The following DNAH7 variants were observed in gnomAD, a reference collection of about 807,000 sequenced individuals.
DNAH7 encodes axonemal beta dynein heavy chain 7.
A neutral mutation model predicts 444.6 loss-of-function variants in DNAH7; 397 were observed. The observed-to-expected ratio is 0.89, with a 90% CI of 0.82 to 0.97. The LOEUF is 0.97. Among genes scored for constraint, DNAH7 ranks in the 50% least tolerant of loss-of-function variants. The probability of loss-of-function intolerance (pLI) is 0.00; values close to 1 mark genes in which losing one functional copy is unlikely to be tolerated. For synonymous variants in DNAH7, 1,636 were observed against 1,624.4 expected (o/e 1.01, Z -0.17); for missense variants, 4,902 against 4,800.8 (o/e 1.02, Z -0.62).
Position 195,794,511 on chromosome 2 carries a change from C to G in DNAH7, c.10543G>C (p.Asp3515His), listed in dbSNP as rs1452112256. The G allele has an allele frequency of 6.2e-7, 1 of 1,614,134 alleles. No homozygotes were observed. The highest frequency in any genetic ancestry group is 1.1e-5 in the South Asian group (1 of 91,070). The change falls in exon 57 of 65, where the codon GAT (aspartate) becomes CAT (histidine). Residue 3515 changes from aspartate (D) to histidine (H), a missense_variant. Coordinates refer to ENST00000312428, the MANE Select transcript of DNAH7 (RefSeq NM_018897.3). ...EELSPESTHP[D>H]FRMWLTSYPS... ...TAACTCGTTAGCCACATTCGGAAAT[C>G]TGGATGTGTTGACTCTGGGCTTAAC...
intron 48 of DNAH7, among the ~76,000 whole-genome samples, chr2:195,826,494 G>A (rs759600057): frequency 3.9e-5 from 6 of 152,180 alleles, no homozygotes; most frequent in Non-Finnish European, 8.8e-5. Context: ...TGGCTGTCTG[G>A]CTCCTTCGTC....
chr2:195,738,553 C>T (rs1295647561), intron 64 of DNAH7, among the ~76,000 whole-genome samples: 1 of 152,092 alleles, frequency 6.6e-6, no homozygotes, highest in Non-Finnish European at 1.5e-5. Flanking sequence ...AGAGAACCTT[C>T]CCATTTTAGG....
chr2:195,785,767 T>C (rs1381603), intron 58 of DNAH7, among the ~76,000 whole-genome samples: 107,704 of 151,956 alleles, frequency 0.71, 38,287 homozygotes, highest in African/African-American at 0.73. Context: ...TGACTCTTCA[T>C]TAAATAATAT....
intron 61 of DNAH7, among the ~76,000 whole-genome samples, chr2:195,768,196 A>G (rs1385268293): frequency 2.0e-5 from 3 of 147,874 alleles, no homozygotes; most frequent in Non-Finnish European, 3.0e-5. Context: ...TATCTTTTAT[A>G]TATATATTAT....
At chr2:195,929,973 T>C (rs889032712) in intron 21 of DNAH7, among the ~76,000 whole-genome samples, 21 of 152,342 alleles carry the variant, frequency 1.4e-4, no homozygotes, top group African/African-American at 4.6e-4. Flanking sequence ...AAACTATGTA[T>C]CTGACCAAGG....
At chr2:195,873,778 C>T (rs888486741) in intron 38 of DNAH7, 84 bp from the exon 39 acceptor site, 5 of 1,056,312 alleles carry the variant, frequency 4.7e-6, no homozygotes, top group Non-Finnish European at 6.4e-6. Flanking sequence ...TTTAAAGTAA[C>T]TTGAAAGATG....
intron 10 of DNAH7, among the ~76,000 whole-genome samples, chr2:196,002,605 A>G (rs1349450399): frequency 6.6e-6 from 1 of 152,248 alleles, no homozygotes; most frequent in Non-Finnish European, 1.5e-5. Flanking sequence ...GAGTTTCCTG[A>G]ATGTTCCAAG....
rs115006663 is a variant in DNAH7, at chr2:196,019,764, C to A, written c.744-469G>T. Among the ~76,000 whole-genome samples the A allele has an allele frequency of 7.1e-3, 1,083 of 152,276 alleles. 7 individuals carry two copies. The highest frequency in any genetic ancestry group is 0.025 in the African/African-American group (1,019 of 41,550). On this transcript the variant is annotated intron_variant, in intron 8 of 64. Coordinates refer to ENST00000312428, the MANE Select transcript of DNAH7 (RefSeq NM_018897.3). ...CATAGAAATCCCCTTGAACTTTACC[C>A]CGTTAATATGTAAACATCATTTATA...
intron 47 of DNAH7, among the ~76,000 whole-genome samples, chr2:195,837,947 A>C (rs535044748): frequency 6.6e-6 from 1 of 152,190 alleles, no homozygotes; most frequent in Non-Finnish European, 1.5e-5. Context: ...CCATTAAAAA[A>C]GTATAAAAAA....
At chr2:195,928,511 A>T (rs1173926418) in intron 21 of DNAH7, among the ~76,000 whole-genome samples, 1 of 152,214 alleles carries the variant, frequency 6.6e-6, no homozygotes, top group Non-Finnish European at 1.5e-5. Context: ...TTACAAAAAC[A>T]GTAATGCTAT....
At chr2:196,003,351 A>G (rs954861049) in intron 10 of DNAH7, among the ~76,000 whole-genome samples, 2 of 152,186 alleles carry the variant, frequency 1.3e-5, no homozygotes, top group Admixed American at 1.3e-4. Context: ...AAGAGATGAA[A>G]TAAGTTTAGG....
chr2:195,747,775 A>G (rs1248251920), intron 63 of DNAH7, among the ~76,000 whole-genome samples: 3 of 152,028 alleles, frequency 2.0e-5, no homozygotes, highest in African/African-American at 7.3e-5. Flanking sequence ...GCCTTTGACA[A>G]AATTCAACAA....
chr2:195,909,713 T>C (rs1687242968), intron 25 of DNAH7, among the ~76,000 whole-genome samples: 1 of 152,216 alleles, frequency 6.6e-6, no homozygotes, highest in Non-Finnish European at 1.5e-5. Context: ...AAGATGTCTT[T>C]AGAATCCCAC....
chr2:195,870,893 C>A (rs115054142), intron 40 of DNAH7, among the ~76,000 whole-genome samples: 2 of 152,292 alleles, frequency 1.3e-5, no homozygotes, highest in Non-Finnish European at 2.9e-5. Context: ...TGGACTAAGG[C>A]ATGCTCCTTG....
intron 58 of DNAH7, among the ~76,000 whole-genome samples, 164 bp from the exon 59 acceptor site, chr2:195,778,149 C>A (rs1008342873): frequency 6.6e-6 from 1 of 152,178 alleles, no homozygotes; most frequent in Non-Finnish European, 1.5e-5. Context: ...TTCCCAGGGC[C>A]GTTCACTTCT....
chr2:195,977,244 C>A (rs1692271675), intron 15 of DNAH7, among the ~76,000 whole-genome samples: 1 of 152,032 alleles, frequency 6.6e-6, no homozygotes. Context: ...CTTTGAAATT[C>A]AAGATAACAC....
intron 58 of DNAH7, among the ~76,000 whole-genome samples, chr2:195,782,622 C>T (rs1008426421): frequency 1.3e-5 from 2 of 152,080 alleles, no homozygotes; most frequent in East Asian, 1.9e-4. Flanking sequence ...ATTATTTCTG[C>T]GAAGTCCTGA....
At chr2:196,016,705 G>A (rs1695041730) in intron 9 of DNAH7, among the ~76,000 whole-genome samples, 1 of 152,166 alleles carries the variant, frequency 6.6e-6, no homozygotes, top group Non-Finnish European at 1.5e-5. Context: ...TAAGTTCAGA[G>A]AGTTCCACAG....
intron 20 of DNAH7, 78 bp from the exon 21 acceptor site, chr2:195,934,867 T>TCTG: frequency 6.8e-7 from 1 of 1,471,152 alleles, no homozygotes; most frequent in South Asian, 1.2e-5. Context: ...CGTTTAAAGT[T>TCTG]CATAAATGCT....
Sources: allele counts gnomAD v4.1 joint callset (sites outside exome capture counted in the v4.1 genomes callset), GRCh38; gene constraint gnomAD v4.1.1; transcripts MANE v1.5; gene names NCBI Gene and HGNC (gene_info 2026-07-23, HGNC 2026-07-21).